Variants in RPH3A observed in about 807,000 individuals in gnomAD.
RPH3A encodes the protein rabphilin-3A.
Under a neutral mutation model 102.2 loss-of-function variants are expected in RPH3A, and 48 were observed. The ratio of observed to expected loss-of-function variants is 0.47; its 90% CI spans 0.37 to 0.60. The LOEUF (loss-of-function observed/expected upper bound fraction) is 0.60, where lower values mean the gene tolerates loss of function less well. RPH3A is among the 20% of genes least tolerant of loss of function. RPH3A has a pLI of 0.00. For missense variants in RPH3A, 781 were observed against 910.1 expected (o/e 0.86, Z 1.83); for synonymous variants, 310 against 324.3 (o/e 0.96, Z 0.47).
Position 112,886,151 on chromosome 12 carries a change from C to T in RPH3A, c.1437-1646C>T, listed in dbSNP as rs539140441. ...AACTAATGTTGGTGGCCAAGGAGTG[C>T]GGTACTTTTACAGTCCCTTCCTGTC... On this transcript the variant is annotated intron_variant, in intron 16 of 21. Transcript: ENST00000389385. 1.2e-4 allele frequency among the ~76,000 whole-genome samples: 18 copies of T among 152,206 alleles called. No individual in the cohort carries two copies. In the South Asian group the frequency reaches 3.1e-3, roughly 26 times the overall value.
intron 1 of RPH3A, among the ~76,000 whole-genome samples, chr12:112,621,874 C>G (rs911546705): frequency 6.6e-6 from 1 of 151,232 alleles, no homozygotes; most frequent in African/African-American, 2.4e-5. Flanking sequence ...AACGGGCAGA[C>G]TGCCTCCTCA....
intron 1 of RPH3A, among the ~76,000 whole-genome samples, chr12:112,674,818 T>C (rs1165024280): frequency 1.3e-5 from 2 of 152,200 alleles, no homozygotes; most frequent in Admixed American, 6.5e-5. Context: ...CCTTATCTGA[T>C]GGGCAATAGA....
chr12:112,721,699 G>A (rs998825254), intron 1 of RPH3A, among the ~76,000 whole-genome samples: 2 of 150,860 alleles, frequency 1.3e-5, no homozygotes, highest in South Asian at 4.2e-4. Flanking sequence ...AATGGCAAGA[G>A]CTGCTAATCT....
chr12:112,614,275 T>C (rs1362146336), intron 1 of RPH3A, among the ~76,000 whole-genome samples: 1 of 152,186 alleles, frequency 6.6e-6, no homozygotes, highest in Non-Finnish European at 1.5e-5. Flanking sequence ...ATGTTTGTCC[T>C]TGGGGTAGTG....
chr12:112,749,835 A>G (rs2040774102), intron 1 of RPH3A, among the ~76,000 whole-genome samples: 1 of 152,212 alleles, frequency 6.6e-6, no homozygotes, highest in Non-Finnish European at 1.5e-5. Flanking sequence ...AGAAAGAGAT[A>G]TATTAAAAAC....
chr12:112,695,611 CATTTT>C (rs1197479440), intron 1 of RPH3A, among the ~76,000 whole-genome samples: 1 of 152,206 alleles, frequency 6.6e-6, no homozygotes. Flanking sequence ...TTTATGCTAT[CATTTT>C]ATTTCCACAT....
At chr12:112,887,268 T>C (rs1201841190) in intron 16 of RPH3A, among the ~76,000 whole-genome samples, 1 of 152,248 alleles carries the variant, frequency 6.6e-6, no homozygotes, top group Non-Finnish European at 1.5e-5. Context: ...ACAGCAGAAT[T>C]ATTATGGTAC....
chr12:112,761,782 A>C (rs1235208065), intron 1 of RPH3A, among the ~76,000 whole-genome samples: 1 of 152,228 alleles, frequency 6.6e-6, no homozygotes, highest in East Asian at 1.9e-4. Flanking sequence ...GCTGTCTTGC[A>C]TGATGAAACC....
At chr12:112,618,454 TTTGGG>T (rs1207179243) in intron 1 of RPH3A, among the ~76,000 whole-genome samples, 3 of 152,168 alleles carry the variant, frequency 2.0e-5, no homozygotes, top group Non-Finnish European at 2.9e-5. Flanking sequence ...AGAAGGCAGT[TTTGGG>T]ATCATATCTT....
intron 1 of RPH3A, among the ~76,000 whole-genome samples, chr12:112,614,357 C>T (rs181353718): frequency 1.7e-4 from 26 of 151,950 alleles, no homozygotes; most frequent in East Asian, 5.8e-4. Context: ...CACATCATAG[C>T]GTGATAGTGG....
At chr12:112,711,914 C>A (rs2040465528) in intron 1 of RPH3A, among the ~76,000 whole-genome samples, 1 of 152,096 alleles carries the variant, frequency 6.6e-6, no homozygotes, top group Non-Finnish European at 1.5e-5. Context: ...CTCACTACAA[C>A]CTCTGCCTCC....
rs772716211 is a variant in RPH3A, at chr12:112,894,621, C to G, written c.1819C>G (p.Gln607Glu). 7 of 1,613,860 alleles carry G rather than the reference C, an allele frequency of 4.3e-6. No homozygotes were observed. The Admixed American group carries it at 1.2e-4, about 27-fold the overall frequency. The change falls in exon 20 of 22, where the codon CAA becomes GAA. Residue 607 changes from glutamine to glutamate, a missense_variant. Transcript: ENST00000389385. ...DMGKKAKHKT[Q>E]IKKKTLNPEF... Reference sequence around the variant, plus strand: ...GGGAAAGAAGGCCAAACACAAGACTCAAATTAAAAAGAAAACCTTGAATCC... The same window carrying G: ...GGGAAAGAAGGCCAAACACAAGACTGAAATTAAAAAGAAAACCTTGAATCC...
At chr12:112,726,016 C>G (rs2040587188) in intron 1 of RPH3A, among the ~76,000 whole-genome samples, 1 of 151,916 alleles carries the variant, frequency 6.6e-6, no homozygotes, top group Admixed American at 6.6e-5. Flanking sequence ...AGGATGGTCT[C>G]GATCTCCTGA....
At chr12:112,710,833 C>A (rs937302095) in intron 1 of RPH3A, among the ~76,000 whole-genome samples, 1 of 151,982 alleles carries the variant, frequency 6.6e-6, no homozygotes, top group African/African-American at 2.4e-5. Context: ...TTTTTATTAC[C>A]CTTTCTTTTT....
chr12:112,806,005 T>C (rs1435101176), intron 2 of RPH3A, among the ~76,000 whole-genome samples: 1 of 152,202 alleles, frequency 6.6e-6, no homozygotes, highest in Non-Finnish European at 1.5e-5. Context: ...TCTATTAGTA[T>C]TTGATTCATT....
At chr12:112,767,420 G>C (rs935792735) in intron 1 of RPH3A, among the ~76,000 whole-genome samples, 1 of 152,224 alleles carries the variant, frequency 6.6e-6, no homozygotes. Context: ...GAAGCAAGTG[G>C]ATGCTGGCGT....
At chr12:112,686,483 G>A (rs546741472) in intron 1 of RPH3A, among the ~76,000 whole-genome samples, 3 of 152,268 alleles carry the variant, frequency 2.0e-5, no homozygotes, top group East Asian at 3.9e-4. Flanking sequence ...AAAAGTGCTC[G>A]TGCATCAGGG....
intron 1 of RPH3A, among the ~76,000 whole-genome samples, chr12:112,694,689 G>C (rs1450924741): frequency 2.0e-5 from 3 of 151,404 alleles, no homozygotes; most frequent in Non-Finnish European, 4.4e-5. Context: ...CACACAGAGA[G>C]AGAGAGAGAG....
intron 1 of RPH3A, among the ~76,000 whole-genome samples, chr12:112,620,793 C>T (rs2039716012): frequency 6.6e-6 from 1 of 152,152 alleles, no homozygotes; most frequent in Admixed American, 6.5e-5. Context: ...AGACCCCAAA[C>T]CTGGAGTCAT....
Sources: allele counts gnomAD v4.1 joint callset (sites outside exome capture counted in the v4.1 genomes callset), GRCh38; gene constraint gnomAD v4.1.1; transcripts MANE v1.5; gene names NCBI Gene and HGNC (gene_info 2026-07-23, HGNC 2026-07-21).